CTTNBP2NL: variants seen among roughly 807,000 people sequenced by gnomAD.
CTTNBP2NL encodes CTTNBP2 N-terminal-like protein.
Under a neutral mutation model 32.5 loss-of-function variants are expected in CTTNBP2NL, and 16 were observed. That is an observed-to-expected ratio of 0.49 (90% CI 0.33 to 0.75). The LOEUF is 0.75. CTTNBP2NL is among the 30% of genes least tolerant of loss of function. The pLI, the probability that CTTNBP2NL is intolerant of heterozygous loss-of-function variation, is 0.02. For synonymous variants in CTTNBP2NL, 298 were observed against 289.4 expected (o/e 1.03, Z -0.30); for missense variants, 645 against 756.0 (o/e 0.85, Z 1.72).
Position 112,421,310 on chromosome 1 carries a change from C to CTTTTCT in CTTNBP2NL, c.99+5050_99+5051insCTTTTT, listed in dbSNP as rs1553224539. Among the ~76,000 whole-genome samples, 327 of 115,872 alleles carry CTTTTCT rather than the reference C, an allele frequency of 2.8e-3. 1 individual carries two copies. The highest frequency in any genetic ancestry group is 0.019 in the South Asian group (64 of 3,314). The allele number at this position is 115,872 out of a possible 152,430, so 76.0% of individuals were successfully genotyped here. ...ACATAATGAGACCCCCATTTCTTTTCTTTTTTTTTTTTTTTTTTGAGACGG... is the reference window on the plus strand; with the variant it reads ...ACATAATGAGACCCCCATTTCTTTTCTTTTCTTTTTTTTTTTTTTTTTTTGAGACGG... On this transcript the variant is annotated intron_variant, in intron 3 of 5. Transcript: ENST00000271277.
chr1:112,443,754 C>G (rs1470012844), intron 3 of CTTNBP2NL, among the ~76,000 whole-genome samples: 2 of 152,124 alleles, frequency 1.3e-5, no homozygotes, highest in African/African-American at 4.8e-5. Context: ...TAAATCAGCT[C>G]TTTTATTAGT....
Position 112,456,195 on chromosome 1 carries a change from G to A in CTTNBP2NL, c.703G>A (p.Val235Ile), listed in dbSNP as rs771626622. 2 of 1,614,112 alleles carry A rather than the reference G, an allele frequency of 1.2e-6. No individual in the cohort carries two copies. The highest frequency in any genetic ancestry group is 8.5e-7 in the Non-Finnish European group (1 of 1,180,046). The change falls in exon 6 of 6, where the codon GTA becomes ATA. Residue 235 changes from valine (V) to isoleucine (I), a missense_variant. By Grantham distance (29) the Val-to-Ile change is conservative. Transcript: ENST00000271277. ...GAGAGGCTTGCAGACTGAGGCCCAGGTAGAGAAGCAGTTATCAGAGTTTGA... is the reference window on the plus strand; with the variant it reads ...GAGAGGCTTGCAGACTGAGGCCCAGATAGAGAAGCAGTTATCAGAGTTTGA... ...RKRGLQTEAQ[V>I]EKQLSEFDIE... is the part of the protein sequence containing the mutation.
chr1:112,455,468 A>G (rs1441110165), intron 5 of CTTNBP2NL, among the ~76,000 whole-genome samples: 1 of 152,162 alleles, frequency 6.6e-6, no homozygotes, highest in African/African-American at 2.4e-5. Flanking sequence ...GCACCATTGC[A>G]CTCCAGCCTG....
At chr1:112,405,065 C>A (rs1557883854) in intron 1 of CTTNBP2NL, among the ~76,000 whole-genome samples, 1 of 151,776 alleles carries the variant, frequency 6.6e-6, no homozygotes, top group Non-Finnish European at 1.5e-5. Context: ...AAAACTCCAT[C>A]TCAAAAAAAA....
intron 3 of CTTNBP2NL, among the ~76,000 whole-genome samples, chr1:112,433,945 C>G (rs1459258857): frequency 6.6e-6 from 1 of 151,598 alleles, no homozygotes; most frequent in East Asian, 1.9e-4. Context: ...GCCATGTTGC[C>G]CAGGCTAGTC....
rs1187349105 is a variant in CTTNBP2NL at position 112,457,284 on chromosome 1, C to A, written c.1792C>A (p.Pro598Thr). The A allele has an allele frequency of 1.2e-6, 2 of 1,614,170 alleles. No individual in the cohort carries two copies. Among genetic ancestry groups the A allele is most frequent in the African/African-American group, 1.3e-5 (1 of 75,040 alleles). Reference sequence around the variant, plus strand: ...CACCCCTTCTCCATCTGCTACCACTCCATTGACCAAAACTCATTCCCAGGC... The same window carrying A: ...CACCCCTTCTCCATCTGCTACCACTACATTGACCAAAACTCATTCCCAGGC... ...GLTPSPSATT[P>T]LTKTHSQAAS... is the part of the protein sequence containing the mutation. Residue 598 changes from proline to threonine, a missense_variant, in exon 6 of 6, where the codon CCA becomes ACA. Transcript: ENST00000271277.
At chr1:112,446,215 A>G (rs4596887) in intron 3 of CTTNBP2NL, among the ~76,000 whole-genome samples, 21,692 of 150,302 alleles carry the variant, frequency 0.14, 2,353 homozygotes, top group East Asian at 0.55. Flanking sequence ...AAAAAAAACA[A>G]CATAGCTGGG....
At position 112,457,175 on chromosome 1, in the gene CTTNBP2NL, C is replaced by T. The variant is rs1041454202; in HGVS notation, c.1683C>T (p.Pro561=). The T allele has an allele frequency of 1.2e-6, 2 of 1,614,072 alleles. No individual in the cohort carries two copies. Among genetic ancestry groups the T allele is most frequent in the African/African-American group, 1.3e-5 (1 of 74,928 alleles). Reference sequence around the variant, plus strand: ...GGAAAGTGTCCAGTCCCCTGAGCCCCCTGTCTCCAGGAATCAAGTCCCCAA... The same window carrying T: ...GGAAAGTGTCCAGTCCCCTGAGCCCTCTGTCTCCAGGAATCAAGTCCCCAA... ...TPGKVSSPLS[P]LSPGIKSPTI... Residue 561 remains proline, a synonymous_variant, in exon 6 of 6, where the codon CCC becomes CCT. Coordinates refer to ENST00000271277, the MANE Select transcript of CTTNBP2NL (RefSeq NM_018704.3).
intron 4 of CTTNBP2NL, among the ~76,000 whole-genome samples, chr1:112,451,376 A>G (rs1759692): frequency 0.63 from 91,649 of 144,754 alleles, 29,299 homozygotes; most frequent in South Asian, 0.7. Context: ...TATTTCTTGA[A>G]TGTGACAGGC....
intron 3 of CTTNBP2NL, among the ~76,000 whole-genome samples, chr1:112,447,300 A>C (rs1257929305): frequency 6.8e-6 from 1 of 146,000 alleles, no homozygotes; most frequent in African/African-American, 2.5e-5. Context: ...AAAAAAAAGT[A>C]GAGTTTCATC....
intron 3 of CTTNBP2NL, among the ~76,000 whole-genome samples, chr1:112,438,323 G>A (rs142202383): frequency 2.0e-5 from 3 of 152,216 alleles, no homozygotes; most frequent in Non-Finnish European, 4.4e-5. Flanking sequence ...ATGGGATTGC[G>A]TTCCTGATTT....
In CTTNBP2NL at chr1:112,456,737, C is replaced by T. The variant is rs1176581162; in HGVS notation, c.1245C>T (p.Pro415=). The T allele has an allele frequency of 3.7e-6, 6 of 1,614,118 alleles. No individual in the cohort carries two copies. The Admixed American group carries it at 8.3e-5, about 22-fold the overall frequency. ...CTTCCAGTGGGAGCTCACTGTCTCC[C>T]AGCAGCACTGCCTCCTCCTCTCTAA... is the stretch of plus-strand genomic sequence containing the variant. The part of the protein sequence containing the change: ...PLSSSGSSLS[P]SSTASSSLTS... Residue 415 remains proline, a synonymous_variant, in exon 6 of 6, where the codon CCC becomes CCT. Transcript: ENST00000271277.
Position 112,434,673 on chromosome 1 carries a change from A to G in CTTNBP2NL, c.100-14269A>G, listed in dbSNP as rs182839356. 5.3e-5 allele frequency among the ~76,000 whole-genome samples: 8 copies of G among 152,226 alleles called. No homozygotes were observed. The East Asian group carries it at 1.4e-3, about 26-fold the overall frequency. ...TAAGCTTAAAGACATTACATTCAAGACATTTACAGACTGGCTGGAACCCAG... is the reference window on the plus strand; with the variant it reads ...TAAGCTTAAAGACATTACATTCAAGGCATTTACAGACTGGCTGGAACCCAG... On this transcript the variant is annotated intron_variant, in intron 3 of 5. Transcript: ENST00000271277.
In CTTNBP2NL at chr1:112,410,896, A is replaced by G. The variant is rs1034080634; in HGVS notation, c.-133-1298A>G. 2.6e-5 allele frequency among the ~76,000 whole-genome samples: 4 copies of G among 152,364 alleles called. No individual in the cohort carries two copies. The East Asian group carries it at 7.7e-4, about 29-fold the overall frequency. Reference sequence around the variant, plus strand: ...TTGTCCTTCAGAGTCACTGATGATGAAGATGACAAGTGACAGCTTACTTAG... The same window carrying G: ...TTGTCCTTCAGAGTCACTGATGATGGAGATGACAAGTGACAGCTTACTTAG... On this transcript the variant is annotated intron_variant, in intron 1 of 5. Transcript: ENST00000271277.
chr1:112,445,703 GA>G (rs1650018541), intron 3 of CTTNBP2NL, among the ~76,000 whole-genome samples: 1 of 152,190 alleles, frequency 6.6e-6, no homozygotes, highest in South Asian at 2.1e-4. Context: ...TACTACAGGA[GA>G]AAGCAGACAG....
At position 112,456,903 on chromosome 1, in the gene CTTNBP2NL, G is replaced by C; in HGVS notation, c.1411G>C (p.Asp471His). The change falls in exon 6 of 6, where the codon GAT becomes CAT. Residue 471 changes from aspartate to histidine, a missense_variant. Asp to His is a moderately conservative substitution (Grantham distance 81). Coordinates refer to ENST00000271277, the MANE Select transcript of CTTNBP2NL (RefSeq NM_018704.3). ...AARHKFQSQA[D>H]QDQQASGLQS... ...TCGCCACAAATTTCAGTCCCAAGCA[G>C]ATCAGGACCAACAAGCCAGTGGCCT... 1 of 1,614,112 alleles carries C rather than the reference G, an allele frequency of 6.2e-7. No individual in the cohort carries two copies. The highest frequency in any genetic ancestry group is 8.5e-7 in the Non-Finnish European group (1 of 1,180,046).
chr1:112,453,830 G>A (rs1406937336), intron 4 of CTTNBP2NL, among the ~76,000 whole-genome samples: 1 of 152,094 alleles, frequency 6.6e-6, no homozygotes, highest in African/African-American at 2.4e-5. Context: ...ATAGGGGTAG[G>A]CAAGTTAAAT....
chr1:112,423,721 AT>A (rs1164005630), intron 3 of CTTNBP2NL, among the ~76,000 whole-genome samples: 1 of 151,774 alleles, frequency 6.6e-6, no homozygotes, highest in Non-Finnish European at 1.5e-5. Context: ...CAATTTATCA[AT>A]TTTTTTTGTT....
intron 5 of CTTNBP2NL, 26 bp downstream of exon 5, chr1:112,454,582 T>TAGCATTTGCCTGGAAC: frequency 1.4e-6 from 2 of 1,479,004 alleles, no homozygotes; most frequent in Non-Finnish European, 1.9e-6. Flanking sequence ...GGATTCACAG[T>TAGCATTTGCCTGGAAC]AGCATTTGCC....
Sources: gnomAD v4.1 joint callset for allele counts (sites outside exome capture counted in the v4.1 genomes callset) on GRCh38, gnomAD v4.1.1 for gene constraint, MANE v1.5 for transcripts, NCBI Gene and HGNC (gene_info 2026-07-23, HGNC 2026-07-21) for gene names.